The following PCDHGB5 variants were observed in gnomAD, a reference collection of about 807,000 sequenced individuals.
PCDHGB5 encodes protocadherin gamma-B5.
Under a neutral mutation model 62.9 loss-of-function variants are expected in PCDHGB5, and 48 were observed. The observed-to-expected ratio is 0.76, with a 90% CI of 0.61 to 0.97. The LOEUF (loss-of-function observed/expected upper bound fraction) is 0.97, where lower values mean the gene tolerates loss of function less well. Among genes scored for constraint, PCDHGB5 ranks in the 50% least tolerant of loss-of-function variants. The probability of loss-of-function intolerance (pLI) is 0.00; values close to 1 mark genes in which losing one functional copy is unlikely to be tolerated. For missense variants in PCDHGB5, 1,118 were observed against 1,198.6 expected (o/e 0.93, Z 0.99); for synonymous variants, 474 against 511.2 (o/e 0.93, Z 0.98).
In PCDHGB5 at chr5:141,477,155, G is replaced by A. The variant is rs2099406190; in HGVS notation, c.2398-17652G>A. ...GTTGGTGGAGGTTGTGGATGTGAATGACAACGCCCCGGAGATCACAGTCAC... is the reference window on the plus strand; with the variant it reads ...GTTGGTGGAGGTTGTGGATGTGAATAACAACGCCCCGGAGATCACAGTCAC... On this transcript the variant is annotated intron_variant, in intron 1 of 3. Coordinates refer to ENST00000617380, the MANE Select transcript of PCDHGB5 (RefSeq NM_018925.3). The surrounding 1 kb of genome is among the most constrained non-coding windows in gnomAD (Gnocchi z 4.9). The A allele has an allele frequency of 6.2e-7, 1 of 1,614,190 alleles. No individual in the cohort carries two copies. The highest frequency in any genetic ancestry group is 8.5e-7 in the Non-Finnish European group (1 of 1,180,042).
intron 1 of PCDHGB5, among the ~76,000 whole-genome samples, chr5:141,480,875 T>C (rs1285607270): frequency 6.6e-6 from 1 of 152,062 alleles, no homozygotes; most frequent in African/African-American, 2.4e-5. Context: ...TGAAACCCCG[T>C]CTCTACTAAA....
intron 1 of PCDHGB5, among the ~76,000 whole-genome samples, chr5:141,460,536 G>A (rs911670681): frequency 2.0e-5 from 3 of 152,092 alleles, no homozygotes; most frequent in African/African-American, 7.2e-5. Flanking sequence ...AATAATCTTA[G>A]CACCTTAATC....
intron 1 of PCDHGB5, among the ~76,000 whole-genome samples, chr5:141,435,150 C>G (rs1256233613): frequency 6.6e-6 from 1 of 152,006 alleles, no homozygotes; most frequent in Non-Finnish European, 1.5e-5. Context: ...TTGTGATAAA[C>G]TTTTGTAAAT....
At chr5:141,464,759 ACAGG>A (rs2099090169) in intron 1 of PCDHGB5, among the ~76,000 whole-genome samples, 1 of 152,158 alleles carries the variant, frequency 6.6e-6, no homozygotes, top group Non-Finnish European at 1.5e-5. Context: ...TTTTTTAGAG[ACAGG>A]AATCTTGTTC....
chr5:141,436,167 G>A (rs933669166), intron 1 of PCDHGB5, among the ~76,000 whole-genome samples: 2 of 152,088 alleles, frequency 1.3e-5, no homozygotes, highest in Non-Finnish European at 2.9e-5. Flanking sequence ...CATATGGACA[G>A]TTCTCATATA....
chr5:141,415,740 G>GTTTTTTTTTTTTTTTTTT (rs57426385), intron 1 of PCDHGB5: 15 of 625,028 alleles, frequency 2.4e-5, no homozygotes, highest in African/African-American at 7.5e-5. Flanking sequence ...GTTTATTAAG[G>GTTTTTTTTTTTTTTTTTT]TTTTTTTTTT....
At chr5:141,421,844 A>C (rs1261967247) in intron 1 of PCDHGB5, 2 of 1,613,740 alleles carry the variant, frequency 1.2e-6, no homozygotes, top group East Asian at 4.5e-5. Context: ...CGAGAGAAAG[A>C]GGCTGCTCAC....
intron 2 of PCDHGB5, among the ~76,000 whole-genome samples, chr5:141,500,893 A>G (rs1393294152): frequency 1.1e-5 from 1 of 94,848 alleles, no homozygotes; most frequent in Non-Finnish European, 2.0e-5. Context: ...TTTTTTTGAG[A>G]CAGTCTCGCT....
chr5:141,489,073 C>A lies in PCDHGB5; in HGVS notation c.2398-5734C>A, dbSNP rs2099681983. 3.2e-6 allele frequency: 1 copy of A among 315,630 alleles called. No individual in the cohort carries two copies. The highest frequency in any genetic ancestry group is 5.7e-6 in the Non-Finnish European group (1 of 173,976). 19.6% of individuals were successfully genotyped at this position (315,630 alleles called of 1,614,324 possible). A position where few individuals can be genotyped will look rare whatever the true frequency, so the allele number is the denominator to read the frequency against. ...ATTCAGCTCCCCTCCCCCCTGCCCA[C>A]CCCCGCCACTCGGTGACTAAGAACT... On this transcript the variant is annotated intron_variant, in intron 1 of 3. Coordinates refer to ENST00000617380, the MANE Select transcript of PCDHGB5 (RefSeq NM_018925.3). The surrounding 1 kb of genome is among the most constrained non-coding windows in gnomAD (Gnocchi z 4.5).
intron 1 of PCDHGB5, chr5:141,417,664 C>T: frequency 1.1e-6 from 1 of 911,118 alleles, no homozygotes; most frequent in Non-Finnish European, 1.6e-6. Context: ...CTGGGATTCC[C>T]TGCGCAGCCA....
rs868008554 is a variant in PCDHGB5, at chr5:141,431,417, C to T, written c.2397+30893C>T. 1 of 1,613,666 alleles carries T rather than the reference C, an allele frequency of 6.2e-7. No homozygotes were observed. Among genetic ancestry groups the T allele is most frequent in the South Asian group, 1.1e-5 (1 of 91,082 alleles). ...CCTTACGGCCTCCGACGGGGGCGAC[C>T]CGGTGCGCACAGGCACCGCGCGCAT... On this transcript the variant is annotated intron_variant, in intron 1 of 3. Transcript: ENST00000617380. This position sits in a 1 kb window ranked among gnomAD's most constrained non-coding sequence, Gnocchi z 4.8.
chr5:141,422,777 C>CCCTACAAT, intron 1 of PCDHGB5: 2 of 1,613,982 alleles, frequency 1.2e-6, no homozygotes, highest in Non-Finnish European at 1.7e-6. Context: ...GTTCTCTATG[C>CCCTACAAT]CCTACAATCC....
chr5:141,509,143 C>G (rs1022878562), intron 3 of PCDHGB5, among the ~76,000 whole-genome samples: 1 of 152,256 alleles, frequency 6.6e-6, no homozygotes, highest in African/African-American at 2.4e-5. Context: ...AGGCGCATCC[C>G]GGCTCTCCCC....
intron 2 of PCDHGB5, among the ~76,000 whole-genome samples, chr5:141,501,751 C>G (rs188896150): frequency 1.4e-3 from 218 of 152,250 alleles, no homozygotes; most frequent in South Asian, 3.1e-3. Flanking sequence ...ATAGGAAGCT[C>G]TCAGTAAATG....
intron 1 of PCDHGB5, chr5:141,415,463 T>G: frequency 6.2e-7 from 1 of 1,614,228 alleles, no homozygotes; most frequent in South Asian, 1.1e-5. Flanking sequence ...GAGGTCTCTC[T>G]CACCGCGGAC....
chr5:141,491,503 G>C lies in PCDHGB5; in HGVS notation c.2398-3304G>C. On this transcript the variant is annotated intron_variant, in intron 1 of 3. Coordinates refer to ENST00000617380, the MANE Select transcript of PCDHGB5 (RefSeq NM_018925.3). The surrounding 1 kb of genome is among the most constrained non-coding windows in gnomAD (Gnocchi z 6.9). ...CCCCAACCTGCAGGTGAGCTCGGACGGCACGCTCAAGTACATGGAGGTGAC... is the reference window on the plus strand; with the variant it reads ...CCCCAACCTGCAGGTGAGCTCGGACCGCACGCTCAAGTACATGGAGGTGAC... The C allele has an allele frequency of 6.2e-7, 1 of 1,614,030 alleles. No homozygotes were observed.
In PCDHGB5 at chr5:141,476,299, C is replaced by T; in HGVS notation, c.2398-18508C>T. ...ACCTTGGTTTGGATCTCGGTAGCCT[C>T]TCAGCCCGCAGGTTCCGGGTGGTGT... On this transcript the variant is annotated intron_variant, in intron 1 of 3. Transcript: ENST00000617380. The surrounding 1 kb of genome is among the most constrained non-coding windows in gnomAD (Gnocchi z 7.6). The T allele has an allele frequency of 6.2e-7, 1 of 1,614,100 alleles. No individual in the cohort carries two copies. The highest frequency in any genetic ancestry group is 1.1e-5 in the South Asian group (1 of 91,074).
At chr5:141,404,892 A>T in intron 1 of PCDHGB5, 1 of 1,613,880 alleles carries the variant, frequency 6.2e-7, no homozygotes, top group African/African-American at 1.3e-5. Context: ...GTGGCTGTAC[A>T]GGACCATGGC....
At chr5:141,404,248 G>A in intron 1 of PCDHGB5, 2 of 1,613,812 alleles carry the variant, frequency 1.2e-6, no homozygotes, top group African/African-American at 2.7e-5. Flanking sequence ...CTCCGCCCCT[G>A]TCCACAGAAA....
Sources: gnomAD v4.1 joint callset for allele counts (sites outside exome capture counted in the v4.1 genomes callset) on GRCh38, gnomAD v4.1.1 for gene constraint, Gnocchi (gnomAD v3.1) non-coding constraint, MANE v1.5 for transcripts, NCBI Gene and HGNC (gene_info 2026-07-23, HGNC 2026-07-21) for gene names.